Variants in OR51B5 observed in about 807,000 individuals in gnomAD.
OR51B5 encodes olfactory receptor 51B5.
For synonymous variants in OR51B5, 186 were observed against 144.8 expected (o/e 1.28, Z -2.04); for missense variants, 456 against 374.6 (o/e 1.22, Z -1.79).
chr11:5,422,432 A>G (rs1850355580), intron 1 of OR51B5: 1 of 1,613,936 alleles, frequency 6.2e-7, no homozygotes, highest in Admixed American at 1.7e-5. Context: ...TCTCACCCTC[A>G]CCACCCTACC....
intron 1 of OR51B5, among the ~76,000 whole-genome samples, chr11:5,363,807 A>G (rs764944107): frequency 5.9e-5 from 9 of 152,182 alleles, no homozygotes; most frequent in Non-Finnish European, 1.2e-4. Flanking sequence ...ATACATCCAG[A>G]CTATATTTAG....
At chr11:5,463,101 T>G (rs1198453441) in intron 1 of OR51B5, among the ~76,000 whole-genome samples, 1 of 152,206 alleles carries the variant, frequency 6.6e-6, no homozygotes, top group Non-Finnish European at 1.5e-5. Flanking sequence ...ATAAAGGATT[T>G]TTCTTTGTTT....
At chr11:5,407,844 CCTCT>C (rs1850082113) in intron 1 of OR51B5, among the ~76,000 whole-genome samples, 1 of 152,042 alleles carries the variant, frequency 6.6e-6, no homozygotes, top group African/African-American at 2.4e-5. Context: ...CCATATATTT[CCTCT>C]CTGCCATTTT....
intron 1 of OR51B5, chr11:5,505,419 T>C (rs763805121): frequency 9.2e-6 from 12 of 1,303,940 alleles, no homozygotes; most frequent in South Asian, 4.9e-5. Context: ...CCATAAACAA[T>C]AGGTTTTTCT....
chr11:5,348,511 T>A (rs147181782), upstream of OR51B5, among the ~76,000 whole-genome samples: 720 of 152,278 alleles, frequency 4.7e-3, 5 homozygotes, highest in African/African-American at 0.013. Flanking sequence ...TATCTGACCA[T>A]ATGACTAATA....
At chr11:5,399,371 A>G (rs1475376889) in intron 1 of OR51B5, among the ~76,000 whole-genome samples, 3 of 152,212 alleles carry the variant, frequency 2.0e-5, no homozygotes, top group Non-Finnish European at 2.9e-5. Context: ...AGTGGAGAGA[A>G]TATTAACATT....
rs533820219 is a variant in OR51B5 at position 5,351,846 on chromosome 11, G to C, written n.85-4936C>G. ...TTTCTGTCATGGAGTCAGGTGTCTT[G>C]CTTGCCATGGCTTATGACTGTTTCA... On this transcript the variant is annotated intron_variant and non_coding_transcript_variant, in intron 1 of 4. Transcript: ENST00000415970. 15 of 1,613,860 alleles carry C rather than the reference G, an allele frequency of 9.3e-6. No homozygotes were observed. The South Asian group carries it at 1.3e-4, about 14-fold the overall frequency.
chr11:5,469,889 A>G (rs541604854), intron 1 of OR51B5, among the ~76,000 whole-genome samples: 1 of 152,034 alleles, frequency 6.6e-6, no homozygotes, highest in Non-Finnish European at 1.5e-5. Context: ...TCTTTTGTGT[A>G]TATTCTAAGC....
At chr11:5,439,891 T>C (rs983101153) in intron 1 of OR51B5, among the ~76,000 whole-genome samples, 1 of 152,172 alleles carries the variant, frequency 6.6e-6, no homozygotes, top group Non-Finnish European at 1.5e-5. Context: ...AATCTGTTTC[T>C]CTATAAAGCT....
At chr11:5,503,813 C>T (rs1277768081) in intron 1 of OR51B5, among the ~76,000 whole-genome samples, 2 of 152,130 alleles carry the variant, frequency 1.3e-5, no homozygotes, top group Admixed American at 6.5e-5. Context: ...TTCTGCCCTG[C>T]TCTACTTTTT....
intron 1 of OR51B5, among the ~76,000 whole-genome samples, chr11:5,465,033 C>G (rs1255934837): frequency 6.6e-6 from 1 of 151,830 alleles, no homozygotes; most frequent in African/African-American, 2.4e-5. Context: ...GGTGAAACCC[C>G]GTCTCTACTA....
intron 1 of OR51B5, among the ~76,000 whole-genome samples, chr11:5,485,739 C>A (rs893102317): frequency 6.6e-6 from 1 of 152,142 alleles, no homozygotes; most frequent in Non-Finnish European, 1.5e-5. Flanking sequence ...GCATGGCTAG[C>A]TCTTTTGACT....
intron 1 of OR51B5, among the ~76,000 whole-genome samples, chr11:5,382,980 G>C (rs1422368034): frequency 6.6e-6 from 1 of 152,134 alleles, no homozygotes; most frequent in African/African-American, 2.4e-5. Context: ...GTGTGTGTGT[G>C]TTTGTGGTGG....
At chr11:5,484,471 T>C (rs1256231646) in intron 1 of OR51B5, among the ~76,000 whole-genome samples, 1 of 152,178 alleles carries the variant, frequency 6.6e-6, no homozygotes, top group Non-Finnish European at 1.5e-5. Context: ...TGGTAGTGAT[T>C]CCAGCTCTCT....
intron 1 of OR51B5, chr11:5,430,876 CAT>C (rs1381156109): frequency 8.7e-6 from 4 of 457,258 alleles, no homozygotes; most frequent in Admixed American, 2.3e-5. Flanking sequence ...ATGTGACACA[CAT>C]GTGTTGAGAG....
At chr11:5,424,938 C>T (rs1422298402) in intron 1 of OR51B5, among the ~76,000 whole-genome samples, 1 of 105,468 alleles carries the variant, frequency 9.5e-6, no homozygotes, top group Admixed American at 9.6e-5. Flanking sequence ...GCCGAGATCC[C>T]GCCACTGCAC....
chr11:5,426,105 C>T (rs12277631), intron 1 of OR51B5, among the ~76,000 whole-genome samples: 19,759 of 152,106 alleles, frequency 0.13, 1,730 homozygotes, highest in Non-Finnish European at 0.19. Flanking sequence ...GTGAAAGAAG[C>T]CTGTCTTAAA....
intron 1 of OR51B5, among the ~76,000 whole-genome samples, chr11:5,357,245 C>T (rs1849208055): frequency 1.3e-5 from 2 of 151,848 alleles, no homozygotes; most frequent in African/African-American, 4.8e-5. Flanking sequence ...CATGTGCACA[C>T]ACACACATAG....
At chr11:5,460,848 G>A (rs553512255) in intron 1 of OR51B5, among the ~76,000 whole-genome samples, 1 of 152,358 alleles carries the variant, frequency 6.6e-6, no homozygotes, top group African/African-American at 2.4e-5. Flanking sequence ...AAGGGCCAAG[G>A]TTCAGCTCAG....
Sources: gnomAD v4.1 joint callset for allele counts (sites outside exome capture counted in the v4.1 genomes callset) on GRCh38, gnomAD v4.1.1 for gene constraint, MANE v1.5 for transcripts, NCBI Gene and HGNC (gene_info 2026-07-23, HGNC 2026-07-21) for gene names.